The following CYP2J2 variants were observed in gnomAD, a reference collection of about 807,000 sequenced individuals.
The protein encoded by CYP2J2 is cytochrome P450 family 2 subfamily J member 2, also known as cytochrome P450 2J2.
In CYP2J2, 41 loss-of-function variants were observed where a neutral mutation model predicts 48.8. That is an observed-to-expected ratio of 0.84 (90% CI 0.66 to 1.09). The LOEUF is 1.09. Ranked by LOEUF, CYP2J2 falls within the 50% of genes least tolerant of loss-of-function variation. The pLI, the probability that CYP2J2 is intolerant of heterozygous loss-of-function variation, is 0.00. For missense variants in CYP2J2, 644 were observed against 617.3 expected (o/e 1.04, Z -0.46); for synonymous variants, 221 against 227.1 (o/e 0.97, Z 0.24).
At chr1:59,921,416 T>G (rs368817444) in intron 1 of CYP2J2, among the ~76,000 whole-genome samples, 2 of 152,136 alleles carry the variant, frequency 1.3e-5, no homozygotes, top group Admixed American at 6.5e-5. Context: ...AGCCTATAAA[T>G]GGACATGCAG....
chr1:59,922,142 A>C (rs536867138), intron 1 of CYP2J2, among the ~76,000 whole-genome samples: 11 of 152,328 alleles, frequency 7.2e-5, no homozygotes, highest in African/African-American at 2.6e-4. Context: ...CTGGGAACAA[A>C]GAAAGAGCCC....
At chr1:59,902,183 C>G (rs1397771180) in intron 7 of CYP2J2, among the ~76,000 whole-genome samples, 1 of 152,190 alleles carries the variant, frequency 6.6e-6, no homozygotes, top group Non-Finnish European at 1.5e-5. Flanking sequence ...TCAAACATCA[C>G]TTCCTTTTGG....
the CYP2J2 span, among the ~76,000 whole-genome samples, chr1:59,952,745 T>C: frequency 6.6e-6 from 1 of 152,164 alleles, no homozygotes. Context: ...CATGTGTTCA[T>C]CCAACAAATA....
upstream of CYP2J2, chr1:59,926,885 G>A (rs897693291): frequency 9.3e-6 from 7 of 754,148 alleles, no homozygotes; most frequent in African/African-American, 1.1e-4. Context: ...GATGCCAGGC[G>A]CTGGATTCCC....
In CYP2J2 at chr1:59,918,728, GA is replaced by G. The variant is rs1644487763; in HGVS notation, c.211-2629del. On this transcript the variant is annotated intron_variant, in intron 1 of 8. Coordinates refer to ENST00000371204, the MANE Select transcript of CYP2J2 (RefSeq NM_000775.4). ...AGGAGATAAAAATAAGATGCCTTTTGAAAGGCAAAAACAGTCTTAAAATCAG... is the reference window on the plus strand; with the variant it reads ...AGGAGATAAAAATAAGATGCCTTTTGAAGGCAAAAACAGTCTTAAAATCAG... Among the ~76,000 whole-genome samples the G allele has an allele frequency of 4.0e-5, 6 of 150,880 alleles. No homozygotes were observed. The South Asian group carries it at 1.3e-3, about 32-fold the overall frequency.
chr1:59,963,027 G>A, the CYP2J2 span, among the ~76,000 whole-genome samples: 1 of 151,968 alleles, frequency 6.6e-6, no homozygotes, highest in East Asian at 1.9e-4. Flanking sequence ...TATAAAAATT[G>A]TTCTCATTTT....
At chr1:59,923,781 C>T (rs190087614) in intron 1 of CYP2J2, among the ~76,000 whole-genome samples, 92 of 152,054 alleles carry the variant, frequency 6.1e-4, no homozygotes, top group African/African-American at 2.0e-3. Context: ...TTGGAAACAA[C>T]AAAAACAGAG....
chr1:59,905,312 G>A (rs559874601), intron 6 of CYP2J2, among the ~76,000 whole-genome samples: 196 of 152,258 alleles, frequency 1.3e-3, no homozygotes, highest in Non-Finnish European at 2.1e-3. Context: ...AGACCCCAGC[G>A]GACTTGGTGT....
Position 59,912,203 on chromosome 1 carries a change from T to G in CYP2J2, c.482A>C (p.Glu161Ala). 1 of 1,613,910 alleles carries G rather than the reference T, an allele frequency of 6.2e-7. No homozygotes were observed. Among genetic ancestry groups the G allele is most frequent in the Non-Finnish European group, 8.5e-7 (1 of 1,179,848 alleles). Residue 161 changes from glutamate (E) to alanine (A), a missense_variant, in exon 3 of 9, where the codon GAG becomes GCG. Transcript: ENST00000371204. ...GKKSLEERIQ[E>A]EAQHLTEAIK... ...TGCTTCAGTGAGGTGTTGGGCCTCCTCCTGAATGCGTTCCTCTAAGCTCTT... is the reference window on the plus strand; with the variant it reads ...TGCTTCAGTGAGGTGTTGGGCCTCCGCCTGAATGCGTTCCTCTAAGCTCTT...
chr1:59,923,414 C>T (rs540970417), intron 1 of CYP2J2, among the ~76,000 whole-genome samples: 1 of 152,148 alleles, frequency 6.6e-6, no homozygotes, highest in Non-Finnish European at 1.5e-5. Context: ...AGGATATAGT[C>T]CATAATTACT....
At chr1:59,965,993 TTA>T in the CYP2J2 span, among the ~76,000 whole-genome samples, 1 of 152,178 alleles carries the variant, frequency 6.6e-6, no homozygotes, top group African/African-American at 2.4e-5. Context: ...CTTTGTGATT[TTA>T]TGTTAGTTGA....
the CYP2J2 span, among the ~76,000 whole-genome samples, chr1:59,941,231 A>T: frequency 1.3e-5 from 2 of 152,290 alleles, no homozygotes; most frequent in East Asian, 3.9e-4. Context: ...CTGCAAAATG[A>T]TGTTTCAGTC....
At chr1:59,921,498 C>G (rs1407014676) in intron 1 of CYP2J2, among the ~76,000 whole-genome samples, 2 of 152,024 alleles carry the variant, frequency 1.3e-5, no homozygotes, top group African/African-American at 4.8e-5. Context: ...GAATGGAATG[C>G]AACCCTTGTG....
chr1:59,906,182 G>GAATATATTTTC (rs1262231703), intron 6 of CYP2J2, among the ~76,000 whole-genome samples: 1 of 152,122 alleles, frequency 6.6e-6, no homozygotes, highest in Non-Finnish European at 1.5e-5. Context: ...CGAGAAAAAA[G>GAATATATTTTC]AATATATTTT....
chr1:59,912,189 G>C lies in CYP2J2; in HGVS notation c.496C>G (p.Leu166Val), dbSNP rs770966629. ...TTCTCCTCTTTTATTGCTTCAGTGA[G>C]GTGTTGGGCCTCCTCCTGAATGCGT... The part of the protein sequence containing the change: ...EERIQEEAQH[L>V]TEAIKEENGQ... The change falls in exon 3 of 9, where the codon CTC becomes GTC. Residue 166 changes from leucine to valine, a missense_variant. By Grantham distance (32) the Leu-to-Val change is conservative. Coordinates refer to ENST00000371204, the MANE Select transcript of CYP2J2 (RefSeq NM_000775.4). The C allele has an allele frequency of 4.3e-6, 7 of 1,613,688 alleles. No individual in the cohort carries two copies. In the South Asian group the frequency reaches 6.6e-5, roughly 15 times the overall value.
intron 5 of CYP2J2, among the ~76,000 whole-genome samples, chr1:59,909,020 G>A (rs1034109792): frequency 1.4e-4 from 22 of 152,258 alleles, no homozygotes; most frequent in African/African-American, 5.1e-4. Context: ...AGAGCTTTGA[G>A]GATTAACTGC....
the CYP2J2 span, among the ~76,000 whole-genome samples, chr1:59,953,710 G>A: frequency 6.6e-6 from 1 of 152,124 alleles, no homozygotes; most frequent in Non-Finnish European, 1.5e-5. Flanking sequence ...GTGATCCAGA[G>A]AGGGGAAGCA....
At position 59,907,889 on chromosome 1, in the gene CYP2J2, G is replaced by GT; in HGVS notation, c.899dup (p.Asn300LysfsTer41). On this transcript the variant is annotated frameshift_variant, in exon 6 of 9. Transcript: ENST00000371204. LOFTEE classifies it high-confidence loss of function. Reference sequence around the variant, plus strand: ...AGAGGTCCAGGGTGCTGCAGATGAGGTTTTCTTCATGGAAACTTGAAGTAG... The same window carrying GT: ...AGAGGTCCAGGGTGCTGCAGATGAGGTTTTTCTTCATGGAAACTTGAAGTAG... 2 of 1,614,042 alleles carry GT rather than the reference G, an allele frequency of 1.2e-6. No individual in the cohort carries two copies. Among genetic ancestry groups the GT allele is most frequent in the Non-Finnish European group, 1.7e-6 (2 of 1,179,916 alleles).
At chr1:59,898,556 T>C (rs1644289279) in intron 8 of CYP2J2, among the ~76,000 whole-genome samples, 1 of 152,212 alleles carries the variant, frequency 6.6e-6, no homozygotes, top group African/African-American at 2.4e-5. Context: ...TTTTGGACTG[T>C]TTGTTATGTA....
Sources: allele counts gnomAD v4.1 joint callset (sites outside exome capture counted in the v4.1 genomes callset), GRCh38; gene constraint gnomAD v4.1.1; transcripts MANE v1.5; gene names NCBI Gene and HGNC (gene_info 2026-07-23, HGNC 2026-07-21).